The following SHB variants were observed in gnomAD, a reference collection of about 807,000 sequenced individuals.
SHB encodes SH2 domain containing adaptor protein B, also known as SH2 domain-containing adapter protein B.
SHB carries 20 observed loss-of-function variants against 52.3 expected under a neutral mutation model. That is an observed-to-expected ratio of 0.38 (90% CI 0.27 to 0.56). SHB has a LOEUF of 0.56. Among genes scored for constraint, SHB ranks in the 20% least tolerant of loss-of-function variants. SHB has a pLI of 0.71. For missense variants in SHB, 825 were observed against 723.3 expected (o/e 1.14, Z -1.61); for synonymous variants, 397 against 316.5 (o/e 1.25, Z -2.70).
chr9:38,064,114 C>T (rs958545797), intron 1 of SHB, among the ~76,000 whole-genome samples: 10 of 150,722 alleles, frequency 6.6e-5, no homozygotes, highest in African/African-American at 2.0e-4. Context: ...TTTCATAAAG[C>T]ACAACTTGAA....
intron 3 of SHB, among the ~76,000 whole-genome samples, chr9:37,971,177 T>C (rs983595996): frequency 6.6e-6 from 1 of 152,132 alleles, no homozygotes; most frequent in Admixed American, 6.5e-5. Flanking sequence ...CACCAACGAC[T>C]CGCTCAAGTG....
At position 37,919,937 on chromosome 9, in the gene SHB, T is replaced by C. The variant is rs1832156721; in HGVS notation, c.1414A>G (p.Ser472Gly). 4 of 1,614,074 alleles carry C rather than the reference T, an allele frequency of 2.5e-6. No homozygotes were observed. The highest frequency in any genetic ancestry group is 3.4e-6 in the Non-Finnish European group (4 of 1,179,896). The change falls in exon 6 of 6, where the codon AGC becomes GGC. Residue 472 changes from serine to glycine, a missense_variant. Transcript: ENST00000377707. ...TCCGGGACACTGTCGAACGGAGGGCTGTTCTGACCCAGAACGTATTTCTCT... is the reference window on the plus strand; with the variant it reads ...TCCGGGACACTGTCGAACGGAGGGCCGTTCTGACCCAGAACGTATTTCTCT... ...TKEKYVLGQN[S>G]PPFDSVPEVI... is the part of the protein sequence containing the mutation.
intron 1 of SHB, among the ~76,000 whole-genome samples, chr9:38,028,867 T>C (rs1587252488): frequency 6.6e-6 from 1 of 152,220 alleles, no homozygotes. Flanking sequence ...CACAGATGCA[T>C]GCTCTCTGCC....
At chr9:38,021,100 G>A (rs1400970643) in intron 1 of SHB, among the ~76,000 whole-genome samples, 2 of 152,234 alleles carry the variant, frequency 1.3e-5, no homozygotes, top group African/African-American at 4.8e-5. Context: ...CATTTTGGGA[G>A]GCCGAGGCGG....
intron 1 of SHB, among the ~76,000 whole-genome samples, chr9:38,049,979 C>T (rs1469836293): frequency 1.3e-5 from 2 of 152,020 alleles, no homozygotes; most frequent in South Asian, 2.1e-4. Context: ...TTTGTAAAGA[C>T]GAGGTTTCAC....
chr9:37,950,255 T>C (rs569864774), intron 4 of SHB, among the ~76,000 whole-genome samples: 3 of 151,942 alleles, frequency 2.0e-5, no homozygotes, highest in Admixed American at 6.6e-5. Flanking sequence ...CTTGTGTGTG[T>C]GTGTTTCCTT....
At chr9:37,949,607 G>A (rs1832540832) in intron 4 of SHB, among the ~76,000 whole-genome samples, 1 of 152,158 alleles carries the variant, frequency 6.6e-6, no homozygotes, top group Non-Finnish European at 1.5e-5. Flanking sequence ...AGCAGCAAGG[G>A]GAAGGGGTGT....
intron 2 of SHB, 85 bp from the exon 3 acceptor site, chr9:37,974,922 A>G (rs1820637449): frequency 8.7e-7 from 1 of 1,155,716 alleles, no homozygotes; most frequent in African/African-American, 1.5e-5. Flanking sequence ...CCACAAACTC[A>G]GAGCTGCCAG....
At chr9:37,963,644 T>A (rs1428086602) in intron 3 of SHB, among the ~76,000 whole-genome samples, 1 of 151,178 alleles carries the variant, frequency 6.6e-6, no homozygotes, top group Non-Finnish European at 1.5e-5. Flanking sequence ...TGGGTGAGAG[T>A]GGGGAGAGCT....
chr9:37,938,805 C>A (rs531833866), intron 5 of SHB, among the ~76,000 whole-genome samples: 130 of 152,318 alleles, frequency 8.5e-4, no homozygotes, highest in Non-Finnish European at 1.7e-3. Flanking sequence ...TCTGGCACTG[C>A]CGGGTTGGGG....
intron 5 of SHB, among the ~76,000 whole-genome samples, chr9:37,930,121 G>C (rs145494168): frequency 1.3e-5 from 2 of 152,012 alleles, no homozygotes; most frequent in East Asian, 1.9e-4. Context: ...AACAGAAAAC[G>C]AACTAAACAG....
rs987470868 is a variant in SHB at position 38,068,732 on chromosome 9, G to C, written c.-87C>G. 7.7e-5 allele frequency: 71 copies of C among 920,918 alleles called. No individual in the cohort carries two copies. Among genetic ancestry groups the C allele is most frequent in the Non-Finnish European group, 8.8e-5 (65 of 742,096 alleles). 57.0% of individuals were successfully genotyped at this position (920,918 alleles called of 1,614,324 possible). A position where few individuals can be genotyped will look rare whatever the true frequency, so the allele number is the denominator to read the frequency against. On this transcript the variant is annotated 5_prime_UTR_variant, in exon 1 of 6. Coordinates refer to ENST00000377707, the MANE Select transcript of SHB (RefSeq NM_003028.3). The stretch of plus-strand genomic sequence containing the variant: ...GGCAGCGCTGCGGCGCAGGTCCCTC[G>C]GCGCCCCGGCCCCGGCGGGGGGCGT...
intron 4 of SHB, among the ~76,000 whole-genome samples, chr9:37,949,974 T>A (rs946849092): frequency 2.6e-5 from 4 of 152,150 alleles, no homozygotes; most frequent in Non-Finnish European, 5.9e-5. Context: ...TCTCACCCCG[T>A]CACCCAGGCT....
At chr9:37,976,406 C>T (rs531160163) in intron 2 of SHB, among the ~76,000 whole-genome samples, 4 of 152,270 alleles carry the variant, frequency 2.6e-5, no homozygotes, top group Non-Finnish European at 5.9e-5. Context: ...TATTGGGAAC[C>T]TTTGGCACCA....
chr9:37,949,599 C>T (rs531672970), intron 4 of SHB, among the ~76,000 whole-genome samples: 24 of 152,236 alleles, frequency 1.6e-4, no homozygotes, highest in African/African-American at 5.8e-4. Flanking sequence ...TGGACAGAAG[C>T]AGCAAGGGGA....
chr9:38,023,275 A>T (rs1473318177), intron 1 of SHB, among the ~76,000 whole-genome samples: 1 of 152,256 alleles, frequency 6.6e-6, no homozygotes, highest in East Asian at 1.9e-4. Flanking sequence ...AACTCCGTGC[A>T]ACCTGTTTTC....
intron 3 of SHB, among the ~76,000 whole-genome samples, chr9:37,967,454 C>T (rs1370099831): frequency 2.0e-5 from 3 of 152,260 alleles, no homozygotes; most frequent in South Asian, 2.1e-4. Context: ...GTGTCTAGTG[C>T]GTATCTAGCT....
intron 1 of SHB, among the ~76,000 whole-genome samples, chr9:38,022,240 T>C (rs946857194): frequency 3.3e-5 from 5 of 152,188 alleles, no homozygotes; most frequent in Admixed American, 2.6e-4. Context: ...AGGAAGGTCA[T>C]GAAGCAAGCC....
chr9:37,948,283 A>T (rs1486168382), intron 5 of SHB, among the ~76,000 whole-genome samples: 1 of 152,206 alleles, frequency 6.6e-6, no homozygotes, highest in Non-Finnish European at 1.5e-5. Context: ...TGGCGACGAT[A>T]TGTTCCTCAA....
Sources: gnomAD v4.1 joint callset for allele counts (sites outside exome capture counted in the v4.1 genomes callset) on GRCh38, gnomAD v4.1.1 for gene constraint, MANE v1.5 for transcripts, NCBI Gene and HGNC (gene_info 2026-07-23, HGNC 2026-07-21) for gene names.